Variants in MYO5B observed in about 807,000 individuals in gnomAD.
MYO5B encodes the protein myosin VB.
A neutral mutation model predicts 229.3 loss-of-function variants in MYO5B; 143 were observed. The ratio of observed to expected loss-of-function variants is 0.62; its 90% CI spans 0.54 to 0.72. The LOEUF is 0.72. MYO5B is among the 30% of genes least tolerant of loss of function. MYO5B has a pLI of 0.00. For missense variants in MYO5B, 2,321 were observed against 2,331.0 expected, an observed-to-expected ratio of 1.00 and a Z score of 0.09; for synonymous variants, 918 against 885.2, an observed-to-expected ratio of 1.04 and a Z score of -0.66.
At position 49,849,757 on chromosome 18, in the gene MYO5B, C is replaced by G. The variant is rs1403578359; in HGVS notation, c.4222-97G>C. 3 of 947,118 alleles carry G rather than the reference C, an allele frequency of 3.2e-6. No individual in the cohort carries two copies. In the South Asian group the frequency reaches 3.9e-5, roughly 12 times the overall value. 58.7% of individuals were successfully genotyped at this position (947,118 alleles called of 1,614,324 possible). ...GCAGTTGGAGGTGACCAGTGCGGCC[C>G]ATGGGCAGCCGTCAGAAATGCGCCA... On this transcript the variant is annotated intron_variant, in intron 31 of 39. Coordinates refer to ENST00000285039, the MANE Select transcript of MYO5B (RefSeq NM_001080467.3).
chr18:49,984,840 G>A lies in MYO5B; in HGVS notation c.839-15C>T, dbSNP rs1568059106. On this transcript the variant is annotated splice_polypyrimidine_tract_variant and intron_variant, in intron 7 of 39. Coordinates refer to ENST00000285039, the MANE Select transcript of MYO5B (RefSeq NM_001080467.3). ...CTCTGCACTTGCTGTGGGAGGCGAG[G>A]AAATAAGGCATGAGGCACTGGAGGA... 4.5e-6 allele frequency: 7 copies of A among 1,546,804 alleles called. No homozygotes were observed. The highest frequency in any genetic ancestry group is 1.4e-5 in the African/African-American group (1 of 73,292).
At chr18:50,014,300 C>T (rs1291740760) in intron 4 of MYO5B, among the ~76,000 whole-genome samples, 4 of 134,732 alleles carry the variant, frequency 3.0e-5, no homozygotes, top group African/African-American at 1.2e-4. Context: ...AAAAAAACTA[C>T]GGGTATGGTT....
At chr18:50,136,701 C>G (rs544202900) in intron 1 of MYO5B, among the ~76,000 whole-genome samples, 4 of 152,266 alleles carry the variant, frequency 2.6e-5, no homozygotes, top group African/African-American at 9.6e-5. Flanking sequence ...AAATCTTAAC[C>G]CTGCCACTTA....
At chr18:50,057,583 ATC>A (rs2030581686) in intron 1 of MYO5B, among the ~76,000 whole-genome samples, 1 of 151,896 alleles carries the variant, frequency 6.6e-6, no homozygotes, top group African/African-American at 2.4e-5. Flanking sequence ...GCACTGAAGA[ATC>A]TCGTTGCCTG....
chr18:50,110,603 T>G (rs1340606675), intron 1 of MYO5B, among the ~76,000 whole-genome samples: 1 of 152,188 alleles, frequency 6.6e-6, no homozygotes, highest in Non-Finnish European at 1.5e-5. Flanking sequence ...TGTGCTTTCT[T>G]TATCCCTGAG....
chr18:49,904,671 C>G lies in MYO5B; in HGVS notation c.2571+1G>C. On this transcript the variant is annotated splice_donor_variant, in intron 20 of 39. Coordinates refer to ENST00000285039, the MANE Select transcript of MYO5B (RefSeq NM_001080467.3). LOFTEE classifies it high-confidence loss of function. ...CTGAGGCCCTCAGAGTGGCTACTCA[C>G]CTGGCGGTAGGTTCTCCGCACAAAC... The G allele has an allele frequency of 6.2e-7, 1 of 1,613,674 alleles. No individual in the cohort carries two copies. The highest frequency in any genetic ancestry group is 8.5e-7 in the Non-Finnish European group (1 of 1,180,040).
At chr18:50,194,257 T>G (rs2033268025) in intron 1 of MYO5B, among the ~76,000 whole-genome samples, 1 of 152,148 alleles carries the variant, frequency 6.6e-6, no homozygotes, top group Non-Finnish European at 1.5e-5. Flanking sequence ...CTCTCCCAAG[T>G]CCAGGGTTCC....
At chr18:49,968,361 A>T (rs993997642) in intron 10 of MYO5B, among the ~76,000 whole-genome samples, 25 of 152,312 alleles carry the variant, frequency 1.6e-4, no homozygotes, top group Non-Finnish European at 3.1e-4. Context: ...AAAATTACAA[A>T]GTTTTTCAGA....
chr18:50,108,982 C>A (rs558044152), intron 1 of MYO5B, among the ~76,000 whole-genome samples: 1 of 152,260 alleles, frequency 6.6e-6, no homozygotes, highest in Admixed American at 6.5e-5. Flanking sequence ...CTGAACCAGG[C>A]TCCAAGAAGA....
At chr18:49,980,660 T>C in intron 8 of MYO5B, 107 bp from the exon 9 acceptor site, 2 of 802,192 alleles carry the variant, frequency 2.5e-6, no homozygotes, top group Non-Finnish European at 4.3e-6. Flanking sequence ...TTGATTTTTC[T>C]TTCTGACCCG....
intron 18 of MYO5B, among the ~76,000 whole-genome samples, chr18:49,909,206 A>C (rs1240777996): frequency 6.6e-6 from 1 of 152,258 alleles, no homozygotes. Flanking sequence ...CAGCATGAGA[A>C]GTATGGGTGT....
At chr18:50,037,032 G>A in intron 3 of MYO5B, 38 bp from the exon 4 acceptor site, 3 of 1,613,244 alleles carry the variant, frequency 1.9e-6, no homozygotes, top group South Asian at 1.1e-5. Context: ...CGACAGCACA[G>A]AAGACACCTG....
Position 49,847,224 on chromosome 18 carries a change from G to A in MYO5B, c.4381C>T (p.Arg1461Trp), listed in dbSNP as rs763725719. The A allele has an allele frequency of 7.4e-6, 12 of 1,613,960 alleles. No individual in the cohort carries two copies. The highest frequency in any genetic ancestry group is 1.3e-5 in the African/African-American group (1 of 74,912). ...HELNRQVTVQRKEKDFQGMLE... is the reference protein window; with the variant it reads ...HELNRQVTVQWKEKDFQGMLE... ...ATGCCCTGGAAATCCTTCTCTTTCC[G>A]CTGGACCGTGACCTGCCTGTTGAGC... Residue 1461 changes from arginine to tryptophan, a missense_variant, in exon 33 of 40, where the codon CGG becomes TGG. Arg to Trp is a moderately radical substitution (Grantham distance 101). Transcript: ENST00000285039.
Position 50,038,786 on chromosome 18 carries a change from C to A in MYO5B, c.310+1357G>T, listed in dbSNP as rs115371298. 4.1e-3 allele frequency among the ~76,000 whole-genome samples: 631 copies of A among 152,258 alleles called. 5 individuals are homozygous for A. The highest frequency in any genetic ancestry group is 0.014 in the African/African-American group (589 of 41,562). On this transcript the variant is annotated intron_variant, in intron 3 of 39. Transcript: ENST00000285039. ...AGAGGGTATTCCTTTAAAAACAGAA[C>A]CTGATGGTCACTTATCTTTTTCTCC... is the stretch of plus-strand genomic sequence containing the variant.
At chr18:50,037,248 T>G (rs2026459688) in intron 3 of MYO5B, among the ~76,000 whole-genome samples, 1 of 13,084 alleles carries the variant, frequency 7.6e-5, no homozygotes, top group South Asian at 0.013. Flanking sequence ...CACTCACAAA[T>G]GCTAAAAAAA....
chr18:49,883,687 T>G (rs917158922), intron 22 of MYO5B, among the ~76,000 whole-genome samples: 1 of 152,150 alleles, frequency 6.6e-6, no homozygotes, highest in African/African-American at 2.4e-5. Flanking sequence ...TTGAAGAAGA[T>G]GAACAAAGCT....
At chr18:50,141,080 C>CA (rs1277231660) in intron 1 of MYO5B, among the ~76,000 whole-genome samples, 2 of 152,280 alleles carry the variant, frequency 1.3e-5, no homozygotes, top group East Asian at 1.9e-4. Context: ...CTCCAGCCCC[C>CA]AACCTAAATG....
chr18:50,071,860 T>C (rs1052030148), intron 1 of MYO5B, among the ~76,000 whole-genome samples: 1 of 152,244 alleles, frequency 6.6e-6, no homozygotes, highest in Admixed American at 6.5e-5. Flanking sequence ...TTAAGAGCTA[T>C]AGGGGAGCAT....
At chr18:49,920,399 G>A (rs542047056) in intron 17 of MYO5B, among the ~76,000 whole-genome samples, 6 of 152,182 alleles carry the variant, frequency 3.9e-5, no homozygotes, top group African/African-American at 1.4e-4. Context: ...TGAAACTCAC[G>A]GAGGGGTTCC....
Sources: allele counts gnomAD v4.1 joint callset (sites outside exome capture counted in the v4.1 genomes callset), GRCh38; gene constraint gnomAD v4.1.1; transcripts MANE v1.5; gene names NCBI Gene and HGNC (gene_info 2026-07-23, HGNC 2026-07-21).